TNS3: variants seen among roughly 807,000 people sequenced by gnomAD.
The protein encoded by TNS3 is tensin 3, also known as tensin-3.
Under a neutral mutation model 140.9 loss-of-function variants are expected in TNS3, and 45 were observed. That is an observed-to-expected ratio of 0.32 (90% CI 0.25 to 0.41). The LOEUF is 0.41. Ranked by LOEUF, TNS3 falls within the 10% of genes least tolerant of loss-of-function variation. The pLI is 1.00. For synonymous variants in TNS3, 815 were observed against 788.4 expected, an observed-to-expected ratio of 1.03 and a Z score of -0.56; for missense variants, 1,716 against 1,906.7, an observed-to-expected ratio of 0.90 and a Z score of 1.86.
rs1362534792 is a variant in TNS3, at chr7:47,306,749, T to G, written c.2651-1746A>C. ...GCCACCACACCCGGCTAATTTCTTT[T>G]TGTATTTTTAGTAGAGACGGGGTTT... On this transcript the variant is annotated intron_variant, in intron 20 of 30. Coordinates refer to ENST00000311160, the MANE Select transcript of TNS3 (RefSeq NM_022748.12). 3.3e-5 allele frequency among the ~76,000 whole-genome samples: 5 copies of G among 152,184 alleles called. No individual in the cohort carries two copies. The East Asian group carries it at 9.6e-4, about 29-fold the overall frequency.
At chr7:47,372,365 A>G (rs1217408354) in intron 16 of TNS3, among the ~76,000 whole-genome samples, 3 of 152,312 alleles carry the variant, frequency 2.0e-5, no homozygotes, top group Non-Finnish European at 4.4e-5. Flanking sequence ...AATGACTTAA[A>G]AAAAAGCCCA....
At chr7:47,489,255 G>A (rs961683754) in intron 3 of TNS3, among the ~76,000 whole-genome samples, 9 of 152,154 alleles carry the variant, frequency 5.9e-5, no homozygotes, top group African/African-American at 2.2e-4. Flanking sequence ...CCAGAATCAG[G>A]TCATTATATT....
intron 17 of TNS3, among the ~76,000 whole-genome samples, chr7:47,349,497 G>A (rs544690687): frequency 1.2e-4 from 19 of 152,356 alleles, no homozygotes; most frequent in Admixed American, 3.3e-4. Context: ...CTCTGCAAGC[G>A]CAGGAAGAAT....
At chr7:47,541,254 G>A (rs1037096641) in intron 1 of TNS3, among the ~76,000 whole-genome samples, 1 of 152,122 alleles carries the variant, frequency 6.6e-6, no homozygotes, top group Non-Finnish European at 1.5e-5. Context: ...CCCTGTGTTG[G>A]GAGACAGGAA....
At chr7:47,317,640 A>T (rs1787488741) in intron 20 of TNS3, among the ~76,000 whole-genome samples, 1 of 152,030 alleles carries the variant, frequency 6.6e-6, no homozygotes, top group African/African-American at 2.4e-5. Context: ...TGAGAGTTGT[A>T]AAAAAATGTG....
At position 47,335,790 on chromosome 7, in the gene TNS3, T is replaced by C. The variant is rs374413616; in HGVS notation, c.2650+8965A>G. Among the ~76,000 whole-genome samples the C allele has an allele frequency of 2.9e-3, 438 of 152,336 alleles. 1 individual carries two copies. The highest frequency in any genetic ancestry group is 4.5e-3 in the Non-Finnish European group (306 of 68,028). ...TGGTCCAATCTTCTCAAGAACCATG[T>C]GCAGTAGGAATGACTACTGTTGTAC... On this transcript the variant is annotated intron_variant, in intron 20 of 30. Coordinates refer to ENST00000311160, the MANE Select transcript of TNS3 (RefSeq NM_022748.12).
chr7:47,475,263 TCGGGTGAGGTGAA>T (rs1263778266), intron 4 of TNS3, among the ~76,000 whole-genome samples: 1 of 152,258 alleles, frequency 6.6e-6, no homozygotes, highest in East Asian at 1.9e-4. Flanking sequence ...CCCACTGGCC[TCGGGTGAGGTGAA>T]CCAAGAGAAG....
At chr7:47,573,394 C>A (rs12702354) in intron 1 of TNS3, among the ~76,000 whole-genome samples, 4 of 152,208 alleles carry the variant, frequency 2.6e-5, no homozygotes, top group Non-Finnish European at 4.4e-5. Flanking sequence ...CGCTAGGTCG[C>A]TGGGGCATTG....
chr7:47,397,775 A>G (rs772781825), intron 15 of TNS3, among the ~76,000 whole-genome samples: 60 of 152,358 alleles, frequency 3.9e-4, no homozygotes, highest in Admixed American at 2.6e-4. Context: ...ACCTCAAGGA[A>G]CTAGAGAAGC....
chr7:47,345,066 G>A (rs1789252784), intron 18 of TNS3, 28 bp from the exon 19 acceptor site: 1 of 1,580,166 alleles, frequency 6.3e-7, no homozygotes, highest in Non-Finnish European at 8.7e-7. Flanking sequence ...AGTAGAATGT[G>A]AGAACAGGGA....
At chr7:47,481,018 A>T (rs1797394772) in intron 4 of TNS3, 85 bp downstream of exon 4, 19 of 1,117,512 alleles carry the variant, frequency 1.7e-5, no homozygotes, top group Admixed American at 2.5e-5. Context: ...AAGCCAAAAG[A>T]TCCCCAAAGA....
chr7:47,568,651 T>C (rs1362129579), intron 1 of TNS3, among the ~76,000 whole-genome samples: 1 of 152,260 alleles, frequency 6.6e-6, no homozygotes, highest in Non-Finnish European at 1.5e-5. Flanking sequence ...GTGTGCATCT[T>C]CTATGCATGG....
intron 6 of TNS3, among the ~76,000 whole-genome samples, chr7:47,439,044 T>G (rs1400819545): frequency 6.6e-6 from 1 of 152,180 alleles, no homozygotes; most frequent in African/African-American, 2.4e-5. Flanking sequence ...GTTTTGAAAA[T>G]CAAGCTGTCT....
intron 25 of TNS3, among the ~76,000 whole-genome samples, chr7:47,293,475 G>C (rs1000948212): frequency 6.6e-6 from 1 of 152,202 alleles, no homozygotes. Flanking sequence ...AACTAGGATA[G>C]AATCTTATTG....
intron 22 of TNS3, among the ~76,000 whole-genome samples, 198 bp downstream of exon 22, chr7:47,302,752 A>G (rs1450356631): frequency 1.3e-5 from 2 of 152,252 alleles, no homozygotes; most frequent in Non-Finnish European, 2.9e-5. Flanking sequence ...ACAGAAGCCA[A>G]GAAGAGTGAA....
chr7:47,479,151 A>ATGGG (rs1410263485), intron 4 of TNS3, among the ~76,000 whole-genome samples: 1 of 152,216 alleles, frequency 6.6e-6, no homozygotes, highest in Non-Finnish European at 1.5e-5. Flanking sequence ...AGCAGCCAGG[A>ATGGG]TGGGCCCTTT....
intron 23 of TNS3, among the ~76,000 whole-genome samples, chr7:47,299,507 CAG>C (rs1372874794): frequency 6.6e-6 from 1 of 152,136 alleles, no homozygotes; most frequent in East Asian, 1.9e-4. Context: ...TGATATACCT[CAG>C]AGCTTTTCTT....
chr7:47,389,124 A>C (rs1488616746), intron 16 of TNS3, among the ~76,000 whole-genome samples: 4,419 of 15,120 alleles, frequency 0.29, 1,720 homozygotes, highest in South Asian at 0.57. Context: ...GAAGAAGAAG[A>C]AGAAGAAGAA....
At chr7:47,287,689 G>T (rs917139296) in intron 27 of TNS3, among the ~76,000 whole-genome samples, 1 of 152,202 alleles carries the variant, frequency 6.6e-6, no homozygotes, top group Non-Finnish European at 1.5e-5. Flanking sequence ...CAGATCTGCT[G>T]TCCTGGTTCC....
Sources: gnomAD v4.1 joint callset for allele counts (sites outside exome capture counted in the v4.1 genomes callset) on GRCh38, gnomAD v4.1.1 for gene constraint, MANE v1.5 for transcripts, NCBI Gene and HGNC (gene_info 2026-07-23, HGNC 2026-07-21) for gene names.